Variants in PAX8 observed in about 807,000 individuals in gnomAD.
The protein encoded by PAX8 is paired box protein Pax-8.
In PAX8, 15 loss-of-function variants were observed where a neutral mutation model predicts 52.4. The observed-to-expected ratio is 0.29, with a 90% CI of 0.19 to 0.44. PAX8 has a LOEUF of 0.44. Among genes scored for constraint, PAX8 ranks in the 20% least tolerant of loss-of-function variants. The probability of loss-of-function intolerance (pLI) is 1.00; values close to 1 mark genes in which losing one functional copy is unlikely to be tolerated. For synonymous variants in PAX8, 284 were observed against 249.7 expected (o/e 1.14, Z -1.29); for missense variants, 554 against 602.5 (o/e 0.92, Z 0.84).
chr2:113,240,915 G>A (rs1439121673), intron 7 of PAX8: 3 of 169,030 alleles, frequency 1.8e-5, no homozygotes, highest in African/African-American at 7.2e-5. Flanking sequence ...AAGCTACTGA[G>A]AGCAGCATGT....
intron 5 of PAX8, 87 bp from the exon 6 acceptor site, chr2:113,242,217 G>T: frequency 8.7e-7 from 1 of 1,154,688 alleles, no homozygotes; most frequent in Non-Finnish European, 1.3e-6. Flanking sequence ...CAGTTGAGCT[G>T]GGGACTGCAG....
chr2:113,234,842 G>A (rs1331493099), intron 9 of PAX8, among the ~76,000 whole-genome samples: 2 of 152,164 alleles, frequency 1.3e-5, no homozygotes, highest in African/African-American at 4.8e-5. Context: ...TAAATATTTT[G>A]AGGCAGTTGA....
At chr2:113,223,176 G>T (rs1273830961) in intron 10 of PAX8, among the ~76,000 whole-genome samples, 1 of 151,878 alleles carries the variant, frequency 6.6e-6, no homozygotes, top group Non-Finnish European at 1.5e-5. Context: ...AAAAACTCTT[G>T]ATTTCCACTT....
intron 2 of PAX8, among the ~76,000 whole-genome samples, chr2:113,251,158 C>T (rs1351555499): frequency 6.6e-6 from 1 of 152,190 alleles, no homozygotes; most frequent in African/African-American, 2.4e-5. Context: ...AATGGAAAGA[C>T]CTTTGTCTTT....
chr2:113,269,980 G>C (rs573001719), intron 2 of PAX8: 1 of 152,296 alleles, frequency 6.6e-6, no homozygotes, highest in Admixed American at 6.5e-5. Flanking sequence ...GGGTTTTCTG[G>C]TAAGGTGAAC....
At chr2:113,258,599 C>G (rs1161197414) in intron 2 of PAX8, among the ~76,000 whole-genome samples, 1 of 152,228 alleles carries the variant, frequency 6.6e-6, no homozygotes, top group East Asian at 1.9e-4. Context: ...ATCCCATCTT[C>G]CCCTCAAAGG....
chr2:113,254,574 A>T (rs917719205), intron 2 of PAX8, among the ~76,000 whole-genome samples: 1 of 152,162 alleles, frequency 6.6e-6, no homozygotes, highest in African/African-American at 2.4e-5. Flanking sequence ...TCTAAATCCT[A>T]GTCTGGCCAT....
At chr2:113,235,876 G>C (rs1341459898) in intron 8 of PAX8, 9 of 428,324 alleles carry the variant, frequency 2.1e-5, no homozygotes, top group Non-Finnish European at 3.8e-5. Flanking sequence ...GCCTAGGACC[G>C]GAGGCGCGAC....
intron 2 of PAX8, among the ~76,000 whole-genome samples, chr2:113,277,541 C>T (rs1380113959): frequency 1.3e-5 from 2 of 152,240 alleles, no homozygotes; most frequent in South Asian, 2.1e-4. Flanking sequence ...CTGCGGCCGG[C>T]CGGGCTCCAT....
chr2:113,275,865 T>C (rs1334968213), intron 2 of PAX8: 1 of 152,212 alleles, frequency 6.6e-6, no homozygotes, highest in African/African-American at 2.4e-5. Flanking sequence ...AATAAAGCTG[T>C]AGGAAAGACA....
At position 113,242,774 on chromosome 2, in the gene PAX8, T is replaced by C. The variant is rs1690970354; in HGVS notation, c.394A>G (p.Ile132Val). 1.2e-6 allele frequency: 2 copies of C among 1,612,810 alleles called. No homozygotes were observed. Among genetic ancestry groups the C allele is most frequent in the Non-Finnish European group, 1.7e-6 (2 of 1,178,938 alleles). The part of the protein sequence containing the change: ...VPSVSSINRI[I>V]RTKVQQPFNL... ...AATGGTTGCTGCACTTTGGTCCGGA[T>C]GATTCTGTGATGAAGAGAAGAAAGG... Residue 132 changes from isoleucine to valine, a missense_variant, in exon 5 of 12, where the codon ATC (isoleucine) becomes GTC (valine). Coordinates refer to ENST00000429538, the MANE Select transcript of PAX8 (RefSeq NM_003466.4).
At chr2:113,242,573 A>G in intron 5 of PAX8, 117 bp downstream of exon 5, 1 of 796,478 alleles carries the variant, frequency 1.3e-6, no homozygotes, top group Non-Finnish European at 2.3e-6. Context: ...TGTGAATGGT[A>G]CTGTGCACAG....
intron 9 of PAX8, 33 bp downstream of exon 9, chr2:113,235,361 T>C (rs754947490): frequency 1.3e-6 from 2 of 1,539,478 alleles, no homozygotes. Flanking sequence ...CCCGCCGCCA[T>C]AGCTGCATGG....
chr2:113,242,855 T>A (rs749056364), intron 4 of PAX8, 77 bp from the exon 5 acceptor site: 34 of 1,085,978 alleles, frequency 3.1e-5, no homozygotes, highest in Non-Finnish European at 4.8e-5. Context: ...CCCAGTCGCC[T>A]TTTTGACACC....
At chr2:113,252,998 G>A (rs1430364128) in intron 2 of PAX8, among the ~76,000 whole-genome samples, 1 of 152,120 alleles carries the variant, frequency 6.6e-6, no homozygotes, top group Non-Finnish European at 1.5e-5. Flanking sequence ...CTTCACATTC[G>A]GTGCTCAGCC....
In PAX8 at chr2:113,216,035, T is replaced by C. The variant is rs903853132; in HGVS notation, c.*2498A>G. ...AGCACAGCCCAAGCCCCTTTATTGG[T>C]TGTGAGTTGGAAAGGGTCTGCCGGG... On this transcript the variant is annotated 3_prime_UTR_variant, in exon 12 of 12. Coordinates refer to ENST00000429538, the MANE Select transcript of PAX8 (RefSeq NM_003466.4). 2 of 217,008 alleles carry C rather than the reference T, an allele frequency of 9.2e-6. No homozygotes were observed. Among genetic ancestry groups the C allele is most frequent in the Non-Finnish European group, 1.9e-5 (2 of 107,902 alleles). 13.4% of individuals were successfully genotyped at this position (217,008 alleles called of 1,614,324 possible). A position where few individuals can be genotyped will look rare whatever the true frequency, so the allele number is the denominator to read the frequency against.
intron 11 of PAX8, among the ~76,000 whole-genome samples, chr2:113,219,164 A>T (rs970458303): frequency 1.3e-5 from 2 of 152,288 alleles, no homozygotes; most frequent in African/African-American, 4.8e-5. Flanking sequence ...GCTAAATTGA[A>T]TGGAAAGCTG....
intron 8 of PAX8, 69 bp downstream of exon 8, chr2:113,236,532 C>A: frequency 5.3e-6 from 8 of 1,516,404 alleles, no homozygotes; most frequent in Non-Finnish European, 6.2e-6. Context: ...CCACACCTTC[C>A]GCCTGACAGC....
At chr2:113,262,255 ATCTTC>A (rs1692739736) in intron 2 of PAX8, among the ~76,000 whole-genome samples, 1 of 152,084 alleles carries the variant, frequency 6.6e-6, no homozygotes, top group East Asian at 1.9e-4. Context: ...GGCTCAAGCA[ATCTTC>A]TGGCCTCAGC....
Sources: gnomAD v4.1 joint callset for allele counts (sites outside exome capture counted in the v4.1 genomes callset) on GRCh38, gnomAD v4.1.1 for gene constraint, MANE v1.5 for transcripts, NCBI Gene and HGNC (gene_info 2026-07-23, HGNC 2026-07-21) for gene names.